Variants in TMTC1 observed in about 807,000 individuals in gnomAD.
TMTC1 encodes transmembrane O-mannosyltransferase targeting cadherins 1, also known as protein O-mannosyl-transferase TMTC1.
Under a neutral mutation model 104.8 loss-of-function variants are expected in TMTC1, and 73 were observed. That is an observed-to-expected ratio of 0.70 (90% CI 0.58 to 0.85). TMTC1 has a LOEUF of 0.85. Among genes scored for constraint, TMTC1 ranks in the 40% least tolerant of loss-of-function variants. TMTC1 has a pLI of 0.00. For synonymous variants in TMTC1, 434 were observed against 428.7 expected (o/e 1.01, Z -0.15); for missense variants, 1,035 against 1,096.1 (o/e 0.94, Z 0.79).
In TMTC1 at chr12:29,768,043, A is replaced by C; in HGVS notation, c.335T>G (p.Phe112Cys). 6.2e-7 allele frequency: 1 copy of C among 1,613,482 alleles called. No homozygotes were observed. Among genetic ancestry groups the C allele is most frequent in the African/African-American group, 1.3e-5 (1 of 75,024 alleles). The change falls in exon 2 of 18, where the codon TTC (phenylalanine) becomes TGC (cysteine). Residue 112 changes from phenylalanine to cysteine, a missense_variant. Physicochemically the swap from Phe to Cys is radical, Grantham distance 205. Transcript: ENST00000539277. ...AATTATATTTACTGCATGAAAGTAG[A>C]ATGGGTTCATACCAGTCAAAAATAT... Reference protein sequence around the residue: ...LNIFLTGMNPFYFHAVNIILH... With the variant: ...LNIFLTGMNPCYFHAVNIILH...
intron 9 of TMTC1, among the ~76,000 whole-genome samples, chr12:29,560,816 A>G (rs980619777): frequency 3.3e-5 from 5 of 152,142 alleles, no homozygotes; most frequent in African/African-American, 1.2e-4. Context: ...CTCTCATCTT[A>G]TCTCTGAAGA....
At chr12:29,612,808 CTTAGTTACT>C (rs2136432809) in intron 6 of TMTC1, among the ~76,000 whole-genome samples, 1 of 152,284 alleles carries the variant, frequency 6.6e-6, no homozygotes, top group South Asian at 2.1e-4. Flanking sequence ...TTTGACTGAT[CTTAGTTACT>C]GACTTGTAAG....
intron 16 of TMTC1, among the ~76,000 whole-genome samples, chr12:29,512,649 T>C (rs1038332922): frequency 1.3e-5 from 2 of 152,212 alleles, no homozygotes; most frequent in Admixed American, 1.3e-4. Flanking sequence ...TTTTATTCAT[T>C]AGACAGTCTT....
At chr12:29,545,562 C>G (rs1351898290) in intron 10 of TMTC1, among the ~76,000 whole-genome samples, 1 of 150,672 alleles carries the variant, frequency 6.6e-6, no homozygotes, top group Non-Finnish European at 1.5e-5. Context: ...ATCACTAAAA[C>G]CTGGAGGTTG....
chr12:29,504,159 C>T lies in TMTC1; in HGVS notation c.*2687G>A, dbSNP rs2136118126. On this transcript the variant is annotated 3_prime_UTR_variant, in exon 18 of 18. Coordinates refer to ENST00000539277, the MANE Select transcript of TMTC1 (RefSeq NM_001193451.2). ...CTCGGGGTGCTTCTGTATGCAAGGC[C>T]CTGTGGGACTGCAAAAATTGCACAT... is the stretch of plus-strand genomic sequence containing the variant. 1 of 151,488 alleles carries T rather than the reference C, an allele frequency of 6.6e-6. No individual in the cohort carries two copies. The highest frequency in any genetic ancestry group is 2.1e-4 in the South Asian group (1 of 4,782). The allele number at this position is 151,488 out of a possible 1,614,324, so 9.4% of individuals were successfully genotyped here.
Position 29,695,439 on chromosome 12 carries a change from G to A in TMTC1, c.938+56227C>T, listed in dbSNP as rs980874877. ...CTCCTGCCTCAGACTCCTGAGTAGC[G>A]GGGATTACAGACACACGCCACCACA... On this transcript the variant is annotated intron_variant, in intron 5 of 17. Transcript: ENST00000539277. 9.9e-5 allele frequency among the ~76,000 whole-genome samples: 15 copies of A among 151,780 alleles called. No individual in the cohort carries two copies. In the South Asian group the frequency reaches 1.7e-3, roughly 17 times the overall value.
chr12:29,576,292 C>T (rs1015113810), intron 8 of TMTC1, among the ~76,000 whole-genome samples: 2 of 152,198 alleles, frequency 1.3e-5, no homozygotes, highest in East Asian at 1.9e-4. Context: ...TTGCTGCCTG[C>T]GCTCTTAGTG....
intron 5 of TMTC1, among the ~76,000 whole-genome samples, chr12:29,691,747 C>T (rs958259015): frequency 7.1e-6 from 1 of 141,198 alleles, no homozygotes; most frequent in African/African-American, 2.6e-5. Context: ...AACCTACTTC[C>T]CACAATGGTG....
intron 6 of TMTC1, among the ~76,000 whole-genome samples, chr12:29,605,571 T>TAAAAAAAA (rs34353381): frequency 2.0e-5 from 2 of 101,874 alleles, no homozygotes; most frequent in African/African-American, 6.9e-5. Flanking sequence ...CCAAAAAGGG[T>TAAAAAAAA]AAAAAAAAAA....
intron 5 of TMTC1, among the ~76,000 whole-genome samples, chr12:29,710,173 C>G (rs1430647541): frequency 6.6e-6 from 1 of 152,134 alleles, no homozygotes; most frequent in Non-Finnish European, 1.5e-5. Flanking sequence ...GTTCTTTAAT[C>G]AAGCAGCTGC....
At chr12:29,507,569 GC>G in intron 17 of TMTC1, among the ~76,000 whole-genome samples, 1 of 152,168 alleles carries the variant, frequency 6.6e-6, no homozygotes, top group Non-Finnish European at 1.5e-5. Flanking sequence ...CAGGTTTGCA[GC>G]AGTATGCATT....
chr12:29,618,479 A>G (rs914558597), intron 6 of TMTC1, among the ~76,000 whole-genome samples: 1 of 152,110 alleles, frequency 6.6e-6, no homozygotes, highest in Admixed American at 6.6e-5. Context: ...TAAAGCTCAT[A>G]TTACAAACTT....
intron 5 of TMTC1, among the ~76,000 whole-genome samples, chr12:29,674,400 A>C (rs1940643282): frequency 6.8e-6 from 1 of 146,340 alleles, no homozygotes; most frequent in Non-Finnish European, 1.5e-5. Context: ...CCTATGGCCT[A>C]TCCTTCAAGA....
Position 29,783,678 on chromosome 12 carries a change from G to A in TMTC1, c.74C>T (p.Ala25Val). The change falls in exon 1 of 18, where the codon GCG (alanine) becomes GTG (valine). Residue 25 changes from alanine (A) to valine (V), a missense_variant. Ala to Val is a moderately conservative substitution (Grantham distance 64). Coordinates refer to ENST00000539277, the MANE Select transcript of TMTC1 (RefSeq NM_001193451.2). This position sits in a 1 kb window ranked among gnomAD's most constrained non-coding sequence, Gnocchi z 4.7. Reference sequence around the variant, plus strand: ...CAGCAGCGCCGCGGCCCCGGCCGGCGCTAGCCCGCAGCCCCGCCGCCGGGA... The same window carrying A: ...CAGCAGCGCCGCGGCCCCGGCCGGCACTAGCCCGCAGCCCCGCCGCCGGGA... ...TPSRRRGCGL[A>V]PAGAAALLAG... 7.7e-7 allele frequency: 1 copy of A among 1,304,848 alleles called. No homozygotes were observed. The allele number at this position is 1,304,848 out of a possible 1,614,324, so 80.8% of individuals were successfully genotyped here.
At chr12:29,567,709 T>C (rs10771551) in intron 9 of TMTC1, among the ~76,000 whole-genome samples, 89,747 of 152,044 alleles carry the variant, frequency 0.59, 27,569 homozygotes, top group Non-Finnish European at 0.67. Flanking sequence ...TTATCTTAAA[T>C]GTTCACTTAA....
At chr12:29,720,056 A>C (rs1396814841) in intron 5 of TMTC1, among the ~76,000 whole-genome samples, 1 of 152,194 alleles carries the variant, frequency 6.6e-6, no homozygotes, top group Non-Finnish European at 1.5e-5. Context: ...GTAACTTAAA[A>C]ATGGATCTGC....
At chr12:29,739,212 C>G (rs1054220162) in intron 5 of TMTC1, among the ~76,000 whole-genome samples, 5 of 152,102 alleles carry the variant, frequency 3.3e-5, no homozygotes, top group Non-Finnish European at 7.4e-5. Flanking sequence ...TCCTTCATGA[C>G]AGGACTCCTG....
At chr12:29,517,627 T>C in intron 13 of TMTC1, 56 bp from the exon 14 acceptor site, 2 of 1,603,336 alleles carry the variant, frequency 1.2e-6, no homozygotes, top group East Asian at 2.2e-5. Context: ...CATTTCCAAA[T>C]GTCTAGGCTT....
chr12:29,521,598 C>T (rs1944166114), intron 11 of TMTC1, among the ~76,000 whole-genome samples: 3 of 139,380 alleles, frequency 2.2e-5, no homozygotes, highest in Non-Finnish European at 1.5e-5. Context: ...CAGAGAGTCT[C>T]ACTTTGTCGC....
Sources: gnomAD v4.1 joint callset for allele counts (sites outside exome capture counted in the v4.1 genomes callset) on GRCh38, gnomAD v4.1.1 for gene constraint, Gnocchi (gnomAD v3.1) non-coding constraint, MANE v1.5 for transcripts, NCBI Gene and HGNC (gene_info 2026-07-23, HGNC 2026-07-21) for gene names.